The following CACNA1D variants were observed in gnomAD, a reference collection of about 807,000 sequenced individuals.
The protein encoded by CACNA1D is voltage-dependent L-type calcium channel subunit alpha-1D.
Under a neutral mutation model 257.1 loss-of-function variants are expected in CACNA1D, and 55 were observed. The ratio of observed to expected loss-of-function variants is 0.21; its 90% CI spans 0.17 to 0.27. CACNA1D has a LOEUF of 0.27. Ranked by LOEUF, CACNA1D falls within the 10% of genes least tolerant of loss-of-function variation. The probability of loss-of-function intolerance (pLI) is 1.00; values close to 1 mark genes in which losing one functional copy is unlikely to be tolerated. For synonymous variants in CACNA1D, 980 were observed against 1,014.9 expected (o/e 0.97, Z 0.65); for missense variants, 1,876 against 2,784.0 (o/e 0.67, Z 7.34).
rs2095180555 is a variant in CACNA1D at position 53,747,401 on chromosome 3, T to C, written c.3267T>C (p.Ser1089=). 6.2e-7 allele frequency: 1 copy of C among 1,614,104 alleles called. No homozygotes were observed. The highest frequency in any genetic ancestry group is 1.7e-5 in the Admixed American group (1 of 60,018). Residue 1089 remains serine (S), a synonymous_variant, in exon 26 of 48, where the codon TCT becomes TCC. Coordinates refer to ENST00000350061, the MANE Select transcript of CACNA1D (RefSeq NM_001128840.3). Reference sequence around the variant, plus strand: ...ATTTCAACTTCGACAACGTCCTCTCTGCTATGATGGCGCTCTTCACAGTCT... The same window carrying C: ...ATTTCAACTTCGACAACGTCCTCTCCGCTATGATGGCGCTCTTCACAGTCT... ...NSDFNFDNVL[S]AMMALFTVST...
At chr3:53,620,490 C>T (rs1045677114) in intron 3 of CACNA1D, among the ~76,000 whole-genome samples, 1 of 152,204 alleles carries the variant, frequency 6.6e-6, no homozygotes, top group Admixed American at 6.5e-5. Flanking sequence ...TGGGGTCTCA[C>T]AGTGTTGCCC....
intron 8 of CACNA1D, among the ~76,000 whole-genome samples, chr3:53,694,012 C>A (rs985139576): frequency 1.3e-5 from 2 of 152,238 alleles, no homozygotes; most frequent in Non-Finnish European, 2.9e-5. Flanking sequence ...GTTCCCACAG[C>A]AAACTGCGTG....
At chr3:53,719,685 C>T (rs2094860575) in intron 10 of CACNA1D, 70 bp from the exon 11 acceptor site, 2 of 1,370,182 alleles carry the variant, frequency 1.5e-6, no homozygotes, top group Non-Finnish European at 2.1e-6. Flanking sequence ...GATATCTCAG[C>T]TGAAATGATG....
intron 3 of CACNA1D, among the ~76,000 whole-genome samples, chr3:53,574,827 G>T (rs1301227168): frequency 6.6e-6 from 1 of 152,192 alleles, no homozygotes; most frequent in Non-Finnish European, 1.5e-5. Flanking sequence ...CAGCCAGAGA[G>T]CCCAAAGTAA....
intron 3 of CACNA1D, among the ~76,000 whole-genome samples, chr3:53,593,552 A>G (rs2093334237): frequency 6.6e-6 from 1 of 152,136 alleles, no homozygotes. Flanking sequence ...GTTGGTGGTG[A>G]TGGGAGTGTT....
intron 9 of CACNA1D, among the ~76,000 whole-genome samples, chr3:53,709,297 A>G (rs1576421369): frequency 6.6e-6 from 1 of 152,204 alleles, no homozygotes; most frequent in South Asian, 2.1e-4. Context: ...CAGGAACTTG[A>G]CAGATGGGGA....
At chr3:53,524,175 G>A (rs772960484) in intron 3 of CACNA1D, among the ~76,000 whole-genome samples, 2 of 152,202 alleles carry the variant, frequency 1.3e-5, no homozygotes, top group Non-Finnish European at 2.9e-5. Flanking sequence ...CTTGATAAGA[G>A]CAGAGAACAG....
chr3:53,750,395 A>C (rs780527636), intron 27 of CACNA1D, among the ~76,000 whole-genome samples: 1 of 152,160 alleles, frequency 6.6e-6, no homozygotes, highest in Non-Finnish European at 1.5e-5. Context: ...CGGGTCCTCT[A>C]TCAGTAGCAT....
chr3:53,522,511 A>G (rs2091618445), intron 3 of CACNA1D, among the ~76,000 whole-genome samples: 3 of 152,246 alleles, frequency 2.0e-5, no homozygotes, highest in African/African-American at 2.4e-5. Flanking sequence ...GACTTGCAGA[A>G]ATAGAGCTGA....
chr3:53,543,286 T>G (rs886169922), intron 3 of CACNA1D, among the ~76,000 whole-genome samples: 1 of 152,166 alleles, frequency 6.6e-6, no homozygotes, highest in African/African-American at 2.4e-5. Context: ...AATTTATAAT[T>G]ACGATTTTAA....
In CACNA1D at chr3:53,495,138, C is replaced by G. The variant is rs908878082; in HGVS notation, c.-29C>G. 1.3e-6 allele frequency: 2 copies of G among 1,587,348 alleles called. No individual in the cohort carries two copies. The highest frequency in any genetic ancestry group is 2.7e-5 in the African/African-American group (2 of 74,124). ...TCAACGCCCAGCACAGTGCCCTGCA[C>G]ACAGTAGTCGCTCAATAAATGTTCG... is the stretch of plus-strand genomic sequence containing the variant. On this transcript the variant is annotated 5_prime_UTR_variant, in exon 1 of 48. Transcript: ENST00000350061. The surrounding 1 kb of genome is among the most constrained non-coding windows in gnomAD (Gnocchi z 5.1).
At chr3:53,810,432 C>T (rs2095591191) in intron 47 of CACNA1D, 134 bp downstream of exon 47, 1 of 843,176 alleles carries the variant, frequency 1.2e-6, no homozygotes, top group Non-Finnish European at 2.0e-6. Context: ...CACTTCTGAG[C>T]AGCAGGAATG....
At chr3:53,662,261 A>G (rs9881913) in intron 5 of CACNA1D, among the ~76,000 whole-genome samples, 2,623 of 152,234 alleles carry the variant, frequency 0.017, 76 homozygotes, top group African/African-American at 0.06. Flanking sequence ...AAGGTGGTGA[A>G]TCAGGCATTT....
rs552181290 is a variant in CACNA1D, at chr3:53,805,127, A to G, written c.5730A>G (p.Leu1910=). The G allele has an allele frequency of 3.3e-5, 54 of 1,613,980 alleles. No individual in the cohort carries two copies. In the East Asian group the frequency reaches 9.6e-4, roughly 29 times the overall value. The stretch of plus-strand genomic sequence containing the variant: ...CACGGAGATCTCCAAGGAGACGCCT[A>G]CTACCTCCCACCCCAGCATGTGAGG... ...YDSRRSPRRR[L]LPPTPASHRR... is the part of the protein sequence containing the mutation. Residue 1910 remains leucine, a synonymous_variant, in exon 45 of 48, where the codon CTA becomes CTG. Coordinates refer to ENST00000350061, the MANE Select transcript of CACNA1D (RefSeq NM_001128840.3).
chr3:53,534,119 C>T (rs917909130), intron 3 of CACNA1D, among the ~76,000 whole-genome samples: 5 of 152,100 alleles, frequency 3.3e-5, no homozygotes, highest in Non-Finnish European at 7.3e-5. Flanking sequence ...GGATACCTCT[C>T]GACAGTAATT....
intron 3 of CACNA1D, among the ~76,000 whole-genome samples, chr3:53,502,280 G>T (rs1015751416): frequency 6.6e-6 from 1 of 152,074 alleles, no homozygotes; most frequent in Non-Finnish European, 1.5e-5. Context: ...CCTATGAAAT[G>T]CTCCAAGAGA....
At chr3:53,628,736 C>A (rs555170374) in intron 3 of CACNA1D, among the ~76,000 whole-genome samples, 2 of 152,190 alleles carry the variant, frequency 1.3e-5, no homozygotes, top group East Asian at 3.8e-4. Context: ...AAAGCCTCAG[C>A]GGTCACTGCC....
intron 37 of CACNA1D, among the ~76,000 whole-genome samples, chr3:53,777,548 T>G (rs2095404637): frequency 6.6e-6 from 1 of 151,934 alleles, no homozygotes; most frequent in Non-Finnish European, 1.5e-5. Flanking sequence ...ACTTAGGATG[T>G]GGAGTGGGGA....
At chr3:53,567,987 C>A (rs1473093317) in intron 3 of CACNA1D, among the ~76,000 whole-genome samples, 1 of 152,134 alleles carries the variant, frequency 6.6e-6, no homozygotes, top group African/African-American at 2.4e-5. Context: ...GGTTAGAAGA[C>A]CTTGCCTCAC....
Sources: allele counts gnomAD v4.1 joint callset (sites outside exome capture counted in the v4.1 genomes callset), GRCh38; gene constraint gnomAD v4.1.1; non-coding constraint Gnocchi (gnomAD v3.1); transcripts MANE v1.5; gene names NCBI Gene and HGNC (gene_info 2026-07-23, HGNC 2026-07-21).